Variants in HELZ observed in about 807,000 individuals in gnomAD.
HELZ encodes the protein ATP-dependent RNA helicase with zinc finger domain.
In HELZ, 23 loss-of-function variants were observed where a neutral mutation model predicts 218.2. That is an observed-to-expected ratio of 0.11 (90% CI 0.08 to 0.15). The LOEUF is 0.15. HELZ is among the 10% of genes least tolerant of loss of function. The pLI is 1.00. For missense variants in HELZ, 1,813 were observed against 2,353.7 expected (o/e 0.77, Z 4.75); for synonymous variants, 814 against 829.4 (o/e 0.98, Z 0.32).
chr17:67,160,689 C>G (rs1165674546), intron 16 of HELZ, among the ~76,000 whole-genome samples: 2 of 152,120 alleles, frequency 1.3e-5, no homozygotes, highest in African/African-American at 4.8e-5. Context: ...AACTTACTGT[C>G]TATACTACCA....
chr17:67,084,459 G>T (rs1458029368), intron 32 of HELZ, among the ~76,000 whole-genome samples: 1 of 151,728 alleles, frequency 6.6e-6, no homozygotes, highest in Non-Finnish European at 1.5e-5. Context: ...TCAGGAGATC[G>T]AGACCATCCT....
chr17:67,218,773 T>G lies in HELZ; in HGVS notation c.32A>C (p.Glu11Ala). The change falls in exon 4 of 33, where the codon GAA becomes GCA. Residue 11 changes from glutamate (E) to alanine (A), a missense_variant. By Grantham distance (107) the Glu-to-Ala change is moderately radical. Around this residue, in one of 4 missense-constraint regions of HELZ, gnomAD observed 714 missense variants for 1,029.2 expected, o/e 0.69. Transcript: ENST00000358691. Reference protein sequence around the residue: MEDRRAEKSCEQACESLKRQD... With the variant: MEDRRAEKSCAQACESLKRQD... ...CCTCTTAAGTGATTCACATGCTTGT[T>G]CACATGACTTTTCAGCTCTTCTGTC... 1 of 1,614,216 alleles carries G rather than the reference T, an allele frequency of 6.2e-7. No homozygotes were observed. Among genetic ancestry groups the G allele is most frequent in the South Asian group, 1.1e-5 (1 of 91,086 alleles).
At chr17:67,102,076 T>G (rs2036947029) in intron 31 of HELZ, among the ~76,000 whole-genome samples, 1 of 152,250 alleles carries the variant, frequency 6.6e-6, no homozygotes, top group Admixed American at 6.5e-5. Context: ...CCATGGCTTT[T>G]GCTGCGTTTG....
rs202057221 is a variant in HELZ at position 67,166,466 on chromosome 17, G to A, written c.1895+12C>T. On this transcript the variant is annotated intron_variant, in intron 15 of 32. Coordinates refer to ENST00000358691, the MANE Select transcript of HELZ (RefSeq NM_014877.4). ...ACCTAACTTCCTTTAATAAGATATC[G>A]CCTTTTTGTACCTGTTAGGACTCCA... is the stretch of plus-strand genomic sequence containing the variant. 6.8e-5 allele frequency: 108 copies of A among 1,599,820 alleles called. No individual in the cohort carries two copies. Among genetic ancestry groups the A allele is most frequent in the African/African-American group, 1.3e-4 (10 of 74,504 alleles).
chr17:67,150,533 T>G (rs2038651332), intron 18 of HELZ, among the ~76,000 whole-genome samples: 1 of 152,336 alleles, frequency 6.6e-6, no homozygotes, highest in Non-Finnish European at 1.5e-5. Context: ...TGATTTTACA[T>G]GGTTCCTGTA....
intron 21 of HELZ, among the ~76,000 whole-genome samples, chr17:67,144,058 T>C (rs1053594910): frequency 5.9e-5 from 9 of 152,172 alleles, no homozygotes; most frequent in Non-Finnish European, 1.0e-4. Context: ...CATTTTCCCC[T>C]ACGAATGTAA....
chr17:67,214,073 A>T (rs970541549), intron 5 of HELZ, among the ~76,000 whole-genome samples: 1 of 152,098 alleles, frequency 6.6e-6, no homozygotes, highest in Admixed American at 6.5e-5. Context: ...TTTTTCCTCT[A>T]TATTATTTGA....
At chr17:67,244,705 T>C in intron 1 of HELZ, 2 of 984,346 alleles carry the variant, frequency 2.0e-6, no homozygotes, top group Non-Finnish European at 2.4e-6. Flanking sequence ...CCGGTGGAAG[T>C]CCGAGGCCTG....
At chr17:67,129,774 T>C (rs1288915653) in intron 23 of HELZ, among the ~76,000 whole-genome samples, 1 of 152,112 alleles carries the variant, frequency 6.6e-6, no homozygotes. Context: ...GGTTTGAAAA[T>C]TGATTTCTAA....
intron 23 of HELZ, among the ~76,000 whole-genome samples, chr17:67,134,685 A>G (rs1475583228): frequency 2.0e-5 from 3 of 152,092 alleles, no homozygotes; most frequent in African/African-American, 7.2e-5. Context: ...CCCTTCCCAG[A>G]ATTTTTCTTC....
chr17:67,094,568 A>T (rs1362371019), intron 31 of HELZ, among the ~76,000 whole-genome samples: 1 of 152,174 alleles, frequency 6.6e-6, no homozygotes, highest in East Asian at 1.9e-4. Context: ...GTGCATATAA[A>T]AATTATATTT....
chr17:67,106,115 G>A, intron 31 of HELZ, among the ~76,000 whole-genome samples: 1 of 152,046 alleles, frequency 6.6e-6, no homozygotes, highest in Non-Finnish European at 1.5e-5. Flanking sequence ...GTCTCTGTCT[G>A]ATATGACTAC....
chr17:67,153,137 A>G (rs1165503284), intron 17 of HELZ, among the ~76,000 whole-genome samples: 6 of 152,138 alleles, frequency 3.9e-5, no homozygotes, highest in Non-Finnish European at 8.8e-5. Context: ...AACTGTCTGG[A>G]TAAGTTTTGC....
chr17:67,245,101 C>G, intron 1 of HELZ, 47 bp downstream of exon 1: 2 of 984,932 alleles, frequency 2.0e-6, no homozygotes, highest in South Asian at 9.4e-5. Context: ...GCTCCGGGAG[C>G]TCGCGGAGCG....
chr17:67,117,725 C>G (rs2037471889), intron 27 of HELZ, among the ~76,000 whole-genome samples: 1 of 151,910 alleles, frequency 6.6e-6, no homozygotes, highest in South Asian at 2.1e-4. Flanking sequence ...CATTTTTATA[C>G]TTTTAGTAGA....
At chr17:67,222,772 A>G (rs927149342) in intron 3 of HELZ, among the ~76,000 whole-genome samples, 3 of 152,256 alleles carry the variant, frequency 2.0e-5, no homozygotes, top group Non-Finnish European at 2.9e-5. Context: ...ATCTCAGGCC[A>G]TGCTAAAATG....
chr17:67,228,730 T>A (rs1226906140), intron 3 of HELZ, among the ~76,000 whole-genome samples: 1 of 151,492 alleles, frequency 6.6e-6, no homozygotes, highest in Non-Finnish European at 1.5e-5. Context: ...ATTATTATTA[T>A]TATTAGAGAC....
intron 22 of HELZ, 45 bp downstream of exon 22, chr17:67,137,886 G>T: frequency 7.0e-7 from 1 of 1,429,194 alleles, no homozygotes; most frequent in Non-Finnish European, 9.6e-7. Flanking sequence ...ACACACTTTA[G>T]ATTTAAGCAT....
intron 24 of HELZ, chr17:67,128,378 G>C: frequency 2.3e-6 from 1 of 428,756 alleles, no homozygotes; most frequent in East Asian, 3.9e-5. Context: ...TCTATCAGTA[G>C]AGAGGATTAG....
Sources: gnomAD v4.1 joint callset for allele counts (sites outside exome capture counted in the v4.1 genomes callset) on GRCh38, gnomAD v4.1.1 for gene constraint, gnomAD v4.1.1 regional missense constraint, MANE v1.5 for transcripts, NCBI Gene and HGNC (gene_info 2026-07-23, HGNC 2026-07-21) for gene names.